ATP10A: variants seen among roughly 807,000 people sequenced by gnomAD.
The protein encoded by ATP10A is ATPase phospholipid transporting 10A (putative).
A neutral mutation model predicts 147.8 loss-of-function variants in ATP10A; 111 were observed. The ratio of observed to expected loss-of-function variants is 0.75; its 90% CI spans 0.64 to 0.88. The LOEUF (loss-of-function observed/expected upper bound fraction) is 0.88, where lower values mean the gene tolerates loss of function less well. Ranked by LOEUF, ATP10A falls within the 40% of genes least tolerant of loss-of-function variation. The pLI is 0.00. For synonymous variants in ATP10A, 875 were observed against 841.6 expected, an observed-to-expected ratio of 1.04 and a Z score of -0.69; for missense variants, 1,927 against 1,959.0, an observed-to-expected ratio of 0.98 and a Z score of 0.31.
chr15:25,788,179 T>G (rs951691613), intron 1 of ATP10A, among the ~76,000 whole-genome samples: 1 of 151,704 alleles, frequency 6.6e-6, no homozygotes, highest in Non-Finnish European at 1.5e-5. Context: ...GCAGGAAACA[T>G]GTAGGAGCAG....
chr15:25,864,332 T>C (rs1293934765), upstream of ATP10A, among the ~76,000 whole-genome samples: 2 of 152,146 alleles, frequency 1.3e-5, no homozygotes, highest in Non-Finnish European at 2.9e-5. Flanking sequence ...TGCCTCCCAC[T>C]CAAGAAGTAC....
chr15:25,732,339 G>A (rs1377138177), intron 3 of ATP10A, among the ~76,000 whole-genome samples: 153 of 151,658 alleles, frequency 1.0e-3, no homozygotes, highest in Non-Finnish European at 1.0e-4. Context: ...CCGCTCAAGT[G>A]ATCCTCCCAC....
chr15:25,805,586 CG>C (rs1891145953), intron 1 of ATP10A, among the ~76,000 whole-genome samples: 1 of 152,176 alleles, frequency 6.6e-6, no homozygotes, highest in Non-Finnish European at 1.5e-5. Flanking sequence ...GCCAAACAAA[CG>C]CAGGTCTCAT....
chr15:25,718,381 T>C lies in ATP10A; in HGVS notation c.1382A>G (p.Tyr461Cys). ...HDANAQRLAR[Y>C]QEADSEEEEV... ...CTCCTCCTCCGAGTCTGCCTCTTGG[T>C]ACCTGGCCAGACGCTGCGCTGCGGG... The change falls in exon 8 of 21, where the codon TAC (tyrosine) becomes TGC (cysteine). Residue 461 changes from tyrosine to cysteine, a missense_variant. Coordinates refer to ENST00000555815, the MANE Select transcript of ATP10A (RefSeq NM_024490.4). 1.9e-6 allele frequency: 3 copies of C among 1,604,660 alleles called. No individual in the cohort carries two copies. The highest frequency in any genetic ancestry group is 2.5e-6 in the Non-Finnish European group (3 of 1,177,904).
Position 25,729,359 on chromosome 15 carries a change from C to T in ATP10A, c.741-2093G>A, listed in dbSNP as rs199648018. Among the ~76,000 whole-genome samples the T allele has an allele frequency of 5.9e-5, 9 of 152,280 alleles. No individual in the cohort carries two copies. In the East Asian group the frequency reaches 1.6e-3, roughly 26 times the overall value. Reference sequence around the variant, plus strand: ...CTCCTCCCCCATTTTTACATCCATTCAACCTCATCTCCCTGGCTGTGTCTT... The same window carrying T: ...CTCCTCCCCCATTTTTACATCCATTTAACCTCATCTCCCTGGCTGTGTCTT... On this transcript the variant is annotated intron_variant, in intron 3 of 20. Coordinates refer to ENST00000555815, the MANE Select transcript of ATP10A (RefSeq NM_024490.4).
At chr15:25,798,283 G>A (rs79386095) in intron 1 of ATP10A, among the ~76,000 whole-genome samples, 6 of 152,244 alleles carry the variant, frequency 3.9e-5, no homozygotes, top group East Asian at 3.9e-4. Flanking sequence ...TGCAGTGTGC[G>A]CTTCATGCTA....
At chr15:25,697,170 A>C (rs1449624159) in intron 13 of ATP10A, among the ~76,000 whole-genome samples, 1 of 152,248 alleles carries the variant, frequency 6.6e-6, no homozygotes, top group Non-Finnish European at 1.5e-5. Flanking sequence ...TTTGAGAGGC[A>C]AACTCTGCAA....
At chr15:25,785,454 A>G (rs567175246) in intron 1 of ATP10A, among the ~76,000 whole-genome samples, 68 of 152,266 alleles carry the variant, frequency 4.5e-4, no homozygotes, top group African/African-American at 1.5e-3. Context: ...CTGCTGTTGA[A>G]GTCACCCCAT....
intron 4 of ATP10A, among the ~76,000 whole-genome samples, chr15:25,726,426 G>T (rs868587447): frequency 6.6e-6 from 1 of 151,336 alleles, no homozygotes; most frequent in Non-Finnish European, 1.5e-5. Flanking sequence ...TTCTACAATG[G>T]GGATATGTTA....
At chr15:25,792,519 G>A (rs975125099) in intron 1 of ATP10A, among the ~76,000 whole-genome samples, 4 of 152,220 alleles carry the variant, frequency 2.6e-5, no homozygotes, top group Non-Finnish European at 5.9e-5. Context: ...CCAGACCCAC[G>A]TGGGTGACAG....
chr15:25,773,312 C>G (rs1233062188), intron 2 of ATP10A, among the ~76,000 whole-genome samples: 2 of 152,148 alleles, frequency 1.3e-5, no homozygotes, highest in African/African-American at 4.8e-5. Context: ...TGGCTCTTAC[C>G]AATTCACAAA....
chr15:25,780,403 C>T (rs940760442), intron 2 of ATP10A, among the ~76,000 whole-genome samples: 1 of 152,248 alleles, frequency 6.6e-6, no homozygotes, highest in Non-Finnish European at 1.5e-5. Context: ...TGTCAGTTCA[C>T]CTGGCATTAG....
intron 1 of ATP10A, among the ~76,000 whole-genome samples, chr15:25,856,528 T>G (rs750744455): frequency 2.0e-5 from 3 of 152,208 alleles, no homozygotes; most frequent in Non-Finnish European, 4.4e-5. Flanking sequence ...TTATTTCTCT[T>G]TTACTATACA....
intron 1 of ATP10A, among the ~76,000 whole-genome samples, chr15:25,858,712 G>A (rs925998034): frequency 3.3e-5 from 5 of 152,140 alleles, no homozygotes; most frequent in Middle Eastern, 3.4e-3. Context: ...AAAAGATGAC[G>A]GAAAGACACT....
chr15:25,824,129 C>T (rs1892007011), intron 1 of ATP10A, among the ~76,000 whole-genome samples: 1 of 130,050 alleles, frequency 7.7e-6, no homozygotes, highest in South Asian at 2.9e-4. Flanking sequence ...TTATAGATTA[C>T]ACTTCCTACT....
At chr15:25,750,483 A>G (rs1888087912) in intron 2 of ATP10A, among the ~76,000 whole-genome samples, 2 of 146,816 alleles carry the variant, frequency 1.4e-5, no homozygotes, top group Admixed American at 1.4e-4. Flanking sequence ...GAAATTATCA[A>G]TTGGAAATTT....
chr15:25,766,517 C>T (rs745392933), intron 2 of ATP10A, among the ~76,000 whole-genome samples: 20 of 152,192 alleles, frequency 1.3e-4, no homozygotes, highest in African/African-American at 4.8e-4. Flanking sequence ...CCCAGCAGCC[C>T]ACACCCCTCC....
At chr15:25,749,850 A>C (rs4505279) in intron 2 of ATP10A, among the ~76,000 whole-genome samples, 2 of 152,126 alleles carry the variant, frequency 1.3e-5, no homozygotes, top group Non-Finnish European at 1.5e-5. Context: ...ATAAACTGAA[A>C]GAGATCAACA....
chr15:25,720,574 AGGAG>A (rs1020521965), intron 7 of ATP10A, among the ~76,000 whole-genome samples: 37 of 151,596 alleles, frequency 2.4e-4, no homozygotes, highest in African/African-American at 9.0e-4. Flanking sequence ...AAGGGGAGGA[AGGAG>A]GGAGAGGAGA....
Sources: gnomAD v4.1 joint callset for allele counts (sites outside exome capture counted in the v4.1 genomes callset) on GRCh38, gnomAD v4.1.1 for gene constraint, MANE v1.5 for transcripts, NCBI Gene and HGNC (gene_info 2026-07-23, HGNC 2026-07-21) for gene names.